The following RIT2 variants were observed in gnomAD, a reference collection of about 807,000 sequenced individuals.
RIT2 encodes the protein GTP-binding protein Rit2.
RIT2 carries 24 observed loss-of-function variants against 23.7 expected under a neutral mutation model. That is an observed-to-expected ratio of 1.01 (90% CI 0.73 to 1.43). The LOEUF (loss-of-function observed/expected upper bound fraction) is 1.43. Ranked by LOEUF, RIT2 falls within the 40% of genes most tolerant of loss-of-function variation. RIT2 has a pLI of 0.00. For synonymous variants in RIT2, 107 were observed against 91.1 expected (o/e 1.17, Z -0.99); for missense variants, 236 against 266.9 (o/e 0.88, Z 0.81).
chr18:43,030,253 G>A (rs571542411), intron 2 of RIT2, among the ~76,000 whole-genome samples: 1 of 151,958 alleles, frequency 6.6e-6, no homozygotes, highest in South Asian at 2.1e-4. Context: ...CAAAAGAGGC[G>A]CTCTTGAGGA....
At chr18:42,894,683 C>G (rs1908275354) in intron 4 of RIT2, among the ~76,000 whole-genome samples, 1 of 152,038 alleles carries the variant, frequency 6.6e-6, no homozygotes, top group African/African-American at 2.4e-5. Flanking sequence ...TTATTAGAGT[C>G]AAAATTGAGA....
intron 1 of RIT2, among the ~76,000 whole-genome samples, chr18:43,073,355 C>G (rs745734185): frequency 2.6e-5 from 4 of 152,102 alleles, no homozygotes; most frequent in Non-Finnish European, 5.9e-5. Flanking sequence ...TGGTTATGTT[C>G]TTTTTATCAC....
chr18:42,817,065 G>T (rs1312108858), intron 4 of RIT2, among the ~76,000 whole-genome samples: 3 of 152,028 alleles, frequency 2.0e-5, no homozygotes, highest in Non-Finnish European at 4.4e-5. Flanking sequence ...GATTTAGATT[G>T]AAGTAAAACT....
rs1598788502 is a variant in RIT2 at position 43,108,708 on chromosome 18, T to C, written c.103+6709A>G. Among the ~76,000 whole-genome samples the C allele has an allele frequency of 3.3e-5, 5 of 152,308 alleles. 1 individual carries two copies. The highest frequency in any genetic ancestry group is 3.3e-4 in the Admixed American group (5 of 15,306). ...TTCGCCTGAATTCTGTTTTCAATCA[T>C]TATTTGAGTGAGTAGATACCAATTT... On this transcript the variant is annotated intron_variant, in intron 1 of 4. Coordinates refer to ENST00000326695, the MANE Select transcript of RIT2 (RefSeq NM_002930.4).
chr18:42,796,454 G>C (rs879541415), intron 4 of RIT2, among the ~76,000 whole-genome samples: 9 of 117,512 alleles, frequency 7.7e-5, no homozygotes, highest in Non-Finnish European at 1.4e-4. Context: ...GTGAGACCAA[G>C]AACCCACCAA....
intron 2 of RIT2, among the ~76,000 whole-genome samples, chr18:42,993,707 C>T (rs1050159916): frequency 1.7e-4 from 26 of 152,118 alleles, no homozygotes; most frequent in East Asian, 3.9e-4. Flanking sequence ...ACCTCATTGC[C>T]ACCTTTCCCC....
chr18:42,896,208 G>C (rs1314466182), intron 4 of RIT2, among the ~76,000 whole-genome samples: 1 of 152,196 alleles, frequency 6.6e-6, no homozygotes, highest in African/African-American at 2.4e-5. Context: ...ATGTTGCAGT[G>C]AGCTGAGATC....
intron 1 of RIT2, among the ~76,000 whole-genome samples, chr18:43,049,833 G>T (rs573867402): frequency 1.4e-4 from 21 of 152,020 alleles, no homozygotes; most frequent in African/African-American, 4.6e-4. Context: ...TATAGATGGA[G>T]CTCAGACTGG....
At chr18:43,044,220 G>A (rs577827855) in intron 1 of RIT2, among the ~76,000 whole-genome samples, 1 of 152,148 alleles carries the variant, frequency 6.6e-6, no homozygotes, top group Non-Finnish European at 1.5e-5. Context: ...TTGATCTTCT[G>A]TACTGAAAGA....
intron 4 of RIT2, among the ~76,000 whole-genome samples, chr18:42,826,070 T>C (rs1468892641): frequency 1.3e-5 from 2 of 152,086 alleles, no homozygotes; most frequent in Non-Finnish European, 2.9e-5. Flanking sequence ...TTTAATCGGT[T>C]GTGACATCTT....
intron 2 of RIT2, among the ~76,000 whole-genome samples, chr18:43,028,253 G>T (rs1370678874): frequency 2.6e-5 from 4 of 152,056 alleles, no homozygotes; most frequent in African/African-American, 9.7e-5. Context: ...GTGATCAGAG[G>T]TCTCTCTGAG....
intron 4 of RIT2, among the ~76,000 whole-genome samples, chr18:42,767,994 G>T (rs1196899547): frequency 2.0e-5 from 3 of 151,688 alleles, no homozygotes; most frequent in Admixed American, 1.3e-4. Context: ...TTTCAAGTAT[G>T]TCTTTATCAG....
At chr18:42,853,859 T>G (rs1392237706) in intron 4 of RIT2, among the ~76,000 whole-genome samples, 1 of 152,242 alleles carries the variant, frequency 6.6e-6, no homozygotes, top group African/African-American at 2.4e-5. Flanking sequence ...AATGCATGTT[T>G]AGAAAAAAAC....
intron 3 of RIT2, among the ~76,000 whole-genome samples, chr18:42,973,810 A>G (rs565530244): frequency 6.6e-6 from 1 of 151,944 alleles, no homozygotes; most frequent in East Asian, 1.9e-4. Context: ...AAACCTGAGG[A>G]AAAAAAATAA....
intron 4 of RIT2, among the ~76,000 whole-genome samples, chr18:42,917,295 C>T (rs1276904086): frequency 1.3e-5 from 2 of 152,100 alleles, no homozygotes; most frequent in African/African-American, 2.4e-5. Context: ...CTGTATGCTG[C>T]TTACATTTCT....
At chr18:43,063,906 G>C (rs946814458) in intron 1 of RIT2, among the ~76,000 whole-genome samples, 1 of 152,130 alleles carries the variant, frequency 6.6e-6, no homozygotes, top group Non-Finnish European at 1.5e-5. Flanking sequence ...TCATCCAGAT[G>C]ACAACTCCTC....
chr18:42,783,513 A>AT (rs896389368), intron 4 of RIT2, among the ~76,000 whole-genome samples: 3 of 151,108 alleles, frequency 2.0e-5, no homozygotes, highest in Admixed American at 2.0e-4. Flanking sequence ...TAACACTTAA[A>AT]TTTTTTTTCT....
chr18:42,908,493 A>G (rs2144115954), intron 4 of RIT2, among the ~76,000 whole-genome samples: 1 of 152,344 alleles, frequency 6.6e-6, no homozygotes, highest in East Asian at 1.9e-4. Context: ...CAATCACATT[A>G]TAATTAAACT....
In RIT2 at chr18:42,850,300, G is replaced by T. The variant is rs192134129; in HGVS notation, c.426+73272C>A. Among the ~76,000 whole-genome samples, 65 of 152,170 alleles carry T rather than the reference G, an allele frequency of 4.3e-4. 1 individual carries two copies. The East Asian group carries it at 7.0e-3, about 16-fold the overall frequency. The stretch of plus-strand genomic sequence containing the variant: ...GAAAATGCAAAATGCCACCAGTTTT[G>T]AATCATTTTACCCTAGGGCATGGCT... On this transcript the variant is annotated intron_variant, in intron 4 of 4. Coordinates refer to ENST00000326695, the MANE Select transcript of RIT2 (RefSeq NM_002930.4).
Sources: allele counts gnomAD v4.1 joint callset (sites outside exome capture counted in the v4.1 genomes callset), GRCh38; gene constraint gnomAD v4.1.1; transcripts MANE v1.5; gene names NCBI Gene and HGNC (gene_info 2026-07-23, HGNC 2026-07-21).